MALRD1: variants seen among roughly 807,000 people sequenced by gnomAD.
MALRD1 encodes MAM and LDL-receptor class A domain-containing protein 1.
In MALRD1, 247 loss-of-function variants were observed where a neutral mutation model predicts 242.1. The ratio of observed to expected loss-of-function variants is 1.02; its 90% CI spans 0.92 to 1.13. The LOEUF is 1.13. MALRD1 is among the 50% of genes most tolerant of loss of function. The pLI is 0.00. For missense variants in MALRD1, 2,989 were observed against 2,533.1 expected (o/e 1.18, Z -3.86); for synonymous variants, 995 against 866.6 (o/e 1.15, Z -2.60).
intron 28 of MALRD1, among the ~76,000 whole-genome samples, chr10:19,399,093 A>G (rs1846713823): frequency 6.6e-6 from 1 of 152,206 alleles, no homozygotes; most frequent in Non-Finnish European, 1.5e-5. Context: ...GAGAGAAGGA[A>G]GAGAATAAAA....
At chr10:19,329,127 T>C (rs1203622267) in intron 23 of MALRD1, among the ~76,000 whole-genome samples, 1 of 152,236 alleles carries the variant, frequency 6.6e-6, no homozygotes, top group Non-Finnish European at 1.5e-5. Flanking sequence ...CCTGATTTTT[T>C]TGACTCTTAA....
intron 38 of MALRD1, among the ~76,000 whole-genome samples, chr10:19,720,996 A>G (rs377761797): frequency 2.7e-5 from 4 of 150,088 alleles, no homozygotes; most frequent in African/African-American, 7.6e-5. Flanking sequence ...CAGAAAACCT[A>G]TTTCCTTAGG....
chr10:19,354,217 A>G (rs893427320), intron 26 of MALRD1, among the ~76,000 whole-genome samples: 1 of 152,190 alleles, frequency 6.6e-6, no homozygotes, highest in African/African-American at 2.4e-5. Flanking sequence ...AATAGTATTG[A>G]TTATACACTA....
chr10:19,262,786 A>T (rs903496572), intron 19 of MALRD1, among the ~76,000 whole-genome samples: 1 of 151,922 alleles, frequency 6.6e-6, no homozygotes, highest in Non-Finnish European at 1.5e-5. Context: ...TTACCAACAT[A>T]TCTCCATTTC....
chr10:19,634,144 C>T (rs11010795), intron 36 of MALRD1, among the ~76,000 whole-genome samples: 6,962 of 151,948 alleles, frequency 0.046, 224 homozygotes, highest in Middle Eastern at 0.092. Context: ...CCCGGCTACA[C>T]AGTTTCTTCT....
At chr10:19,409,691 A>G (rs1181440824) in intron 28 of MALRD1, among the ~76,000 whole-genome samples, 1 of 152,156 alleles carries the variant, frequency 6.6e-6, no homozygotes, top group Admixed American at 6.5e-5. Context: ...GATAAAAGAT[A>G]TTTTGAGATT....
chr10:19,150,648 C>T (rs984746690), intron 11 of MALRD1, among the ~76,000 whole-genome samples: 2 of 152,182 alleles, frequency 1.3e-5, no homozygotes, highest in African/African-American at 2.4e-5. Context: ...TCTCAGAGAT[C>T]ACTATCCTGT....
chr10:19,392,620 G>A (rs1268073342), intron 28 of MALRD1, among the ~76,000 whole-genome samples: 5 of 152,140 alleles, frequency 3.3e-5, no homozygotes, highest in African/African-American at 4.8e-5. Context: ...TTGGTTACAT[G>A]AGAATTGCTT....
chr10:19,380,655 A>G (rs993712011), intron 26 of MALRD1, among the ~76,000 whole-genome samples: 17 of 152,046 alleles, frequency 1.1e-4, no homozygotes, highest in African/African-American at 3.4e-4. Context: ...GTAATTTAAT[A>G]TATTTATCAT....
At chr10:19,286,973 T>C (rs1359292017) in intron 21 of MALRD1, among the ~76,000 whole-genome samples, 1 of 151,608 alleles carries the variant, frequency 6.6e-6, no homozygotes, top group Admixed American at 6.6e-5. Flanking sequence ...TTATCCACCA[T>C]GATCAAGTGG....
At chr10:19,102,297 T>C (rs1836295112) in intron 4 of MALRD1, among the ~76,000 whole-genome samples, 1 of 151,940 alleles carries the variant, frequency 6.6e-6, no homozygotes, top group East Asian at 1.9e-4. Context: ...CTCTACACAA[T>C]AATCTTTGCC....
chr10:19,561,228 T>A (rs1835949735), intron 32 of MALRD1, among the ~76,000 whole-genome samples: 1 of 152,170 alleles, frequency 6.6e-6, no homozygotes, highest in South Asian at 2.1e-4. Context: ...TGCTACAGTT[T>A]GTTTAATAGC....
intron 9 of MALRD1, among the ~76,000 whole-genome samples, chr10:19,135,291 A>T (rs1833292483): frequency 6.6e-6 from 1 of 152,064 alleles, no homozygotes; most frequent in Non-Finnish European, 1.5e-5. Context: ...AGCAGCTGGG[A>T]CTACAGGCAT....
chr10:19,161,550 C>CAAAAAAA, intron 12 of MALRD1, among the ~76,000 whole-genome samples: 10 of 60,830 alleles, frequency 1.6e-4, no homozygotes, highest in South Asian at 7.3e-4. Flanking sequence ...AAAAAAAAAG[C>CAAAAAAA]AAAAAAAAAA....
intron 29 of MALRD1, among the ~76,000 whole-genome samples, chr10:19,469,148 T>A (rs1043092051): frequency 2.2e-4 from 34 of 152,104 alleles, no homozygotes; most frequent in African/African-American, 7.7e-4. Flanking sequence ...GTGAAGACAG[T>A]AATGTGAACC....
chr10:19,673,693 T>C (rs1010935666), intron 36 of MALRD1, among the ~76,000 whole-genome samples: 1 of 152,144 alleles, frequency 6.6e-6, no homozygotes, highest in African/African-American at 2.4e-5. Flanking sequence ...TTGAAGCATG[T>C]GGTAAGAATT....
At chr10:19,156,080 G>A (rs1291903093) in intron 12 of MALRD1, among the ~76,000 whole-genome samples, 1 of 152,078 alleles carries the variant, frequency 6.6e-6, no homozygotes, top group Non-Finnish European at 1.5e-5. Context: ...AAATAATGAA[G>A]AGATCAGTAG....
At chr10:19,368,118 C>T (rs1466692626) in intron 26 of MALRD1, among the ~76,000 whole-genome samples, 4 of 151,664 alleles carry the variant, frequency 2.6e-5, no homozygotes, top group Admixed American at 2.0e-4. Flanking sequence ...TTATATAATC[C>T]CATGTATTTA....
At chr10:19,426,540 G>A (rs998960327) in intron 28 of MALRD1, among the ~76,000 whole-genome samples, 24 of 152,116 alleles carry the variant, frequency 1.6e-4, no homozygotes, top group African/African-American at 5.3e-4. Flanking sequence ...GGTGGCTCAC[G>A]CTTGTAATCC....
Sources: allele counts gnomAD v4.1 joint callset (sites outside exome capture counted in the v4.1 genomes callset), GRCh38; gene constraint gnomAD v4.1.1; transcripts MANE v1.5; gene names NCBI Gene and HGNC (gene_info 2026-07-23, HGNC 2026-07-21).